CALCOCO2: variants seen among roughly 807,000 people sequenced by gnomAD.
CALCOCO2 encodes the protein calcium-binding and coiled-coil domain-containing protein 2.
Under a neutral mutation model 62.5 loss-of-function variants are expected in CALCOCO2, and 42 were observed. The observed-to-expected ratio is 0.67, with a 90% CI of 0.53 to 0.87. The LOEUF is 0.87. CALCOCO2 is among the 40% of genes least tolerant of loss of function. The pLI is 0.00. For missense variants in CALCOCO2, 456 were observed against 515.0 expected (o/e 0.89, Z 1.11); for synonymous variants, 167 against 173.0 (o/e 0.97, Z 0.27).
chr17:48,855,307 G>A (rs1201790999), intron 9 of CALCOCO2, among the ~76,000 whole-genome samples: 1 of 152,164 alleles, frequency 6.6e-6, no homozygotes, highest in Non-Finnish European at 1.5e-5. Context: ...AGGAGCCAAC[G>A]GGGATGGGAA....
rs2040213072 is a variant in CALCOCO2, at chr17:48,856,200, AAG to A, written c.1008+16_1008+17del. On this transcript the variant is annotated intron_variant, in intron 10 of 12. Transcript: ENST00000258947. ...AGGAGAAAATGATGTAAGTGTGTGA[AAG>A]AGGGTATAAAACCCCAAGGTTTTAA... The A allele has an allele frequency of 6.9e-7, 1 of 1,459,148 alleles. No individual in the cohort carries two copies. Among genetic ancestry groups the A allele is most frequent in the South Asian group, 1.2e-5 (1 of 86,822 alleles). The allele number at this position is 1,459,148 out of a possible 1,614,324, so 90.4% of individuals were successfully genotyped here.
At chr17:48,852,335 A>T in intron 7 of CALCOCO2, 171 bp from the exon 8 acceptor site, 1 of 572,978 alleles carries the variant, frequency 1.7e-6, no homozygotes, top group South Asian at 2.3e-5. Context: ...CATTTTTAGG[A>T]AGCTATGCCT....
chr17:48,861,659 G>GTATATATATATATATA lies in CALCOCO2; in HGVS notation c.1145-616_1145-615insATATATATATATATAT, dbSNP rs367595425. ...TATATGTATATATATATATGTGTGT[G>GTATATATATATATATA]TGTATATATATATATATAAAGCCTG... On this transcript the variant is annotated intron_variant, in intron 11 of 12. Coordinates refer to ENST00000258947, the MANE Select transcript of CALCOCO2 (RefSeq NM_005831.5). Among the ~76,000 whole-genome samples, 784 of 135,176 alleles carry GTATATATATATATATA rather than the reference G, an allele frequency of 5.8e-3. 21 individuals carry two copies. Among genetic ancestry groups the GTATATATATATATATA allele is most frequent in the African/African-American group, 0.017 (539 of 31,956 alleles). 88.7% of individuals were successfully genotyped at this position (135,176 alleles called of 152,430 possible). A position where few individuals can be genotyped will look rare whatever the true frequency, so the allele number is the denominator to read the frequency against.
At chr17:48,851,840 C>T (rs553498036) in intron 7 of CALCOCO2, 1 of 467,346 alleles carries the variant, frequency 2.1e-6, no homozygotes, top group East Asian at 3.7e-5. Context: ...AAAAAAAAAT[C>T]ATGATTCACA....
chr17:48,848,087 G>A lies in CALCOCO2; in HGVS notation c.204G>A (p.Glu68=). 9.9e-6 allele frequency: 16 copies of A among 1,612,006 alleles called. No individual in the cohort carries two copies. The highest frequency in any genetic ancestry group is 1.4e-5 in the Non-Finnish European group (16 of 1,178,086). ...AGGTGGGGTGGAAGACAACCCGTGA[G>A]TATTACACCTTCATGTGGGTTACTT... The part of the protein sequence containing the change: ...IFRVGWKTTR[E]YYTFMWVTLP... The change falls in exon 3 of 13, where the codon GAG becomes GAA. Residue 68 remains glutamate, a synonymous_variant. Transcript: ENST00000258947.
In CALCOCO2 at chr17:48,851,154, C is replaced by T; in HGVS notation, c.609C>T (p.Asp203=). The T allele has an allele frequency of 6.2e-7, 1 of 1,608,786 alleles. No individual in the cohort carries two copies. Among genetic ancestry groups the T allele is most frequent in the East Asian group, 2.2e-5 (1 of 44,846 alleles). ...AACTGAAAGTGAAAGAACAGAAGGA[C>T]TATTGGGAGACAGAGCTGCTTCAGT... ...KLELKVKEQK[D]YWETELLQLK... Residue 203 remains aspartate (D), a synonymous_variant, in exon 6 of 13, where the codon GAC becomes GAT. Transcript: ENST00000258947.
At chr17:48,846,385 C>A in intron 2 of CALCOCO2, 1 of 705,110 alleles carries the variant, frequency 1.4e-6, no homozygotes, top group Non-Finnish European at 2.4e-6. Flanking sequence ...AAGCAGGAAG[C>A]AGTCTGCTTT....
chr17:48,857,979 G>GA (rs1002092280), intron 10 of CALCOCO2, among the ~76,000 whole-genome samples: 1 of 18,784 alleles, frequency 5.3e-5, no homozygotes, highest in South Asian at 3.2e-3. Flanking sequence ...TACATCAATA[G>GA]AATAGAATAG....
chr17:48,841,584 T>G, intron 1 of CALCOCO2, 114 bp from the exon 2 acceptor site: 1 of 608,392 alleles, frequency 1.6e-6, no homozygotes, highest in Non-Finnish European at 2.7e-6. Flanking sequence ...TTTGTCAGGA[T>G]TTTGCTTTTC....
intron 1 of CALCOCO2, among the ~76,000 whole-genome samples, chr17:48,839,692 T>TTTTTTTG (rs2039950291): frequency 7.0e-6 from 1 of 143,302 alleles, no homozygotes. Flanking sequence ...TTTTTTTTTT[T>TTTTTTTG]TTAAACGGAG....
intron 10 of CALCOCO2, among the ~76,000 whole-genome samples, chr17:48,860,003 A>G (rs980066917): frequency 5.9e-5 from 9 of 152,224 alleles, no homozygotes; most frequent in Non-Finnish European, 1.0e-4. Context: ...CTGAGGCACA[A>G]GAATCACTTG....
At chr17:48,849,504 T>C (rs1420469458) in intron 5 of CALCOCO2, 127 bp downstream of exon 5, 1 of 800,846 alleles carries the variant, frequency 1.2e-6, no homozygotes, top group Non-Finnish European at 2.0e-6. Flanking sequence ...TGAACAGGCA[T>C]TAGTTTTGTT....
intron 9 of CALCOCO2, among the ~76,000 whole-genome samples, chr17:48,854,136 A>C (rs1446337701): frequency 6.6e-6 from 1 of 150,912 alleles, no homozygotes; most frequent in Non-Finnish European, 1.5e-5. Context: ...ACCAAAATGG[A>C]GAAACCCCGT....
intron 2 of CALCOCO2, chr17:48,846,067 AC>A: frequency 1.4e-6 from 2 of 1,479,210 alleles, no homozygotes; most frequent in South Asian, 1.2e-5. Flanking sequence ...ACTCCTCATC[AC>A]CCCAGACACT....
At chr17:48,850,381 C>T (rs538650890) in intron 5 of CALCOCO2, among the ~76,000 whole-genome samples, 49 of 151,280 alleles carry the variant, frequency 3.2e-4, no homozygotes, top group African/African-American at 6.6e-4. Context: ...TGCTTGAACC[C>T]GGGAGGCAGA....
Position 48,862,957 on chromosome 17 carries a change from TAC to T in CALCOCO2, c.1295_1296del (p.Thr432ArgfsTer6), listed in dbSNP as rs2040349106. The T allele has an allele frequency of 1.2e-6, 2 of 1,613,860 alleles. No individual in the cohort carries two copies. The highest frequency in any genetic ancestry group is 2.2e-5 in the South Asian group (2 of 91,080). On this transcript the variant is annotated frameshift_variant, in exon 13 of 13. Coordinates refer to ENST00000258947, the MANE Select transcript of CALCOCO2 (RefSeq NM_005831.5). LOFTEE classifies it high-confidence loss of function. ...CAATTTGTGACAAGATCTTCCCAGC[TAC>T]AGAGAAGCAGATCTTTGAAGACCAC... ...CPICDKIFPA[T>X]EKQIFEDHVF...
At chr17:48,857,833 C>T (rs1217801695) in intron 10 of CALCOCO2, among the ~76,000 whole-genome samples, 8 of 148,302 alleles carry the variant, frequency 5.4e-5, no homozygotes, top group Middle Eastern at 3.4e-3. Flanking sequence ...AAAAAATTAG[C>T]GAGCTTGGTG....
intron 10 of CALCOCO2, chr17:48,856,732 A>G (rs2040220639): frequency 2.4e-6 from 1 of 417,586 alleles, no homozygotes; most frequent in East Asian, 7.5e-5. Flanking sequence ...GCAAAAAATA[A>G]AGTGGTTGTA....
At chr17:48,841,483 TA>T in intron 1 of CALCOCO2, 1 of 436,456 alleles carries the variant, frequency 2.3e-6, no homozygotes, top group Non-Finnish European at 4.1e-6. Flanking sequence ...GTGAAGAAGT[TA>T]AAGATATTGT....
Sources: gnomAD v4.1 joint callset for allele counts (sites outside exome capture counted in the v4.1 genomes callset) on GRCh38, gnomAD v4.1.1 for gene constraint, MANE v1.5 for transcripts, NCBI Gene and HGNC (gene_info 2026-07-23, HGNC 2026-07-21) for gene names.